FAM13C: variants seen among roughly 807,000 people sequenced by gnomAD.
FAM13C encodes family with sequence similarity 13 member C.
In FAM13C, 37 loss-of-function variants were observed where a neutral mutation model predicts 73.2. The observed-to-expected ratio is 0.51, with a 90% CI of 0.39 to 0.67. The LOEUF is 0.67. FAM13C is among the 30% of genes least tolerant of loss of function. The pLI is 0.00. For missense variants in FAM13C, 589 were observed against 715.6 expected, an observed-to-expected ratio of 0.82 and a Z score of 2.02; for synonymous variants, 246 against 260.9, an observed-to-expected ratio of 0.94 and a Z score of 0.55.
At chr10:59,273,763 A>C (rs1843988938) in intron 6 of FAM13C, among the ~76,000 whole-genome samples, 1 of 152,120 alleles carries the variant, frequency 6.6e-6, no homozygotes, top group Non-Finnish European at 1.5e-5. Context: ...CATAGAGAAG[A>C]AGTTACTATC....
At chr10:59,292,541 C>T (rs748168933) in intron 5 of FAM13C, among the ~76,000 whole-genome samples, 4 of 152,210 alleles carry the variant, frequency 2.6e-5, no homozygotes, top group African/African-American at 7.2e-5. Flanking sequence ...TTAACTCCTT[C>T]GTTTTCTAAA....
intron 3 of FAM13C, among the ~76,000 whole-genome samples, chr10:59,339,409 G>GA (rs5785378): frequency 0.7 from 106,946 of 151,904 alleles, 38,267 homozygotes; most frequent in East Asian, 0.83. Context: ...TCAGCTGTTA[G>GA]AAGTAGAAAT....
At chr10:59,317,064 GA>G (rs1468246915) in intron 4 of FAM13C, among the ~76,000 whole-genome samples, 1 of 151,590 alleles carries the variant, frequency 6.6e-6, no homozygotes, top group Admixed American at 6.6e-5. Context: ...AATAATATAA[GA>G]AAAAATACAT....
intron 11 of FAM13C, among the ~76,000 whole-genome samples, chr10:59,253,333 T>G (rs1209405605): frequency 6.6e-6 from 1 of 152,214 alleles, no homozygotes; most frequent in Non-Finnish European, 1.5e-5. Flanking sequence ...CACTCAGACC[T>G]TCTGGGCTCC....
rs547422193 is a variant in FAM13C, at chr10:59,334,095, G to A, written c.325-9989C>T. Among the ~76,000 whole-genome samples, 16 of 152,294 alleles carry A rather than the reference G, an allele frequency of 1.1e-4. 1 individual carries two copies. In the South Asian group the frequency reaches 1.7e-3, roughly 16 times the overall value. ...TTTTTTTCTTTTGAGAGAGACAAGA[G>A]ATGGCAGGGGAAATGAGAAAGGAAA... On this transcript the variant is annotated intron_variant, in intron 3 of 13. Transcript: ENST00000618804.
At chr10:59,305,603 T>G (rs1848162957) in intron 4 of FAM13C, among the ~76,000 whole-genome samples, 1 of 151,768 alleles carries the variant, frequency 6.6e-6, no homozygotes, top group Admixed American at 6.6e-5. Context: ...GAGCCTAACT[T>G]CTTTAAAATA....
intron 4 of FAM13C, among the ~76,000 whole-genome samples, chr10:59,308,956 C>T (rs934078087): frequency 1.5e-4 from 23 of 152,178 alleles, no homozygotes; most frequent in African/African-American, 4.8e-5. Context: ...GGCCTAAGGA[C>T]AGTGTCAAAC....
intron 10 of FAM13C, among the ~76,000 whole-genome samples, chr10:59,261,377 A>G (rs1216202323): frequency 3.3e-5 from 5 of 152,174 alleles, no homozygotes; most frequent in Admixed American, 1.3e-4. Flanking sequence ...CCAGGGGCAT[A>G]TGTTGAGCCT....
chr10:59,284,375 G>A (rs749753404), intron 5 of FAM13C, among the ~76,000 whole-genome samples: 2 of 152,014 alleles, frequency 1.3e-5, no homozygotes, highest in African/African-American at 2.4e-5. Flanking sequence ...AGGTTCTGCA[G>A]GTCTCAGCTG....
At chr10:59,318,405 T>C (rs1168221524) in intron 4 of FAM13C, among the ~76,000 whole-genome samples, 1 of 151,994 alleles carries the variant, frequency 6.6e-6, no homozygotes, top group Non-Finnish European at 1.5e-5. Flanking sequence ...TATTTTTATC[T>C]GTATCTTCAG....
chr10:59,352,716 A>G (rs1855226416), intron 2 of FAM13C, among the ~76,000 whole-genome samples: 1 of 152,184 alleles, frequency 6.6e-6, no homozygotes, highest in Non-Finnish European at 1.5e-5. Context: ...AGGTGTAACT[A>G]TACACATATC....
At chr10:59,330,473 A>C (rs1275003060) in intron 3 of FAM13C, among the ~76,000 whole-genome samples, 2 of 152,176 alleles carry the variant, frequency 1.3e-5, no homozygotes, top group Non-Finnish European at 2.9e-5. Flanking sequence ...GAGGCATGCG[A>C]GTTTTCACTA....
chr10:59,320,225 C>A (rs990058116), intron 4 of FAM13C, among the ~76,000 whole-genome samples: 2 of 152,180 alleles, frequency 1.3e-5, no homozygotes, highest in African/African-American at 4.8e-5. Context: ...AGCCAAAAAT[C>A]TGTAAAAACT....
intron 3 of FAM13C, among the ~76,000 whole-genome samples, chr10:59,349,381 G>C (rs1854727051): frequency 6.6e-6 from 1 of 152,202 alleles, no homozygotes; most frequent in South Asian, 2.1e-4. Context: ...GATGACACCA[G>C]TGGGCTGAGT....
intron 3 of FAM13C, among the ~76,000 whole-genome samples, chr10:59,345,775 C>A (rs1289450151): frequency 1.3e-5 from 2 of 152,184 alleles, no homozygotes; most frequent in Non-Finnish European, 2.9e-5. Flanking sequence ...CCCAGAGGAC[C>A]ACTTTTCTTC....
intron 3 of FAM13C, among the ~76,000 whole-genome samples, chr10:59,339,687 C>A (rs1308866559): frequency 6.6e-6 from 1 of 152,122 alleles, no homozygotes; most frequent in South Asian, 2.1e-4. Context: ...CGTTACCAAA[C>A]CTAATTTGGA....
chr10:59,330,254 G>A (rs1214039083), intron 3 of FAM13C, among the ~76,000 whole-genome samples: 1 of 152,166 alleles, frequency 6.6e-6, no homozygotes, highest in Non-Finnish European at 1.5e-5. Flanking sequence ...GACTGAGCTA[G>A]AGCACCCAGT....
chr10:59,317,722 T>G (rs1217821005), intron 4 of FAM13C, among the ~76,000 whole-genome samples: 1 of 152,142 alleles, frequency 6.6e-6, no homozygotes, highest in Non-Finnish European at 1.5e-5. Flanking sequence ...ATCTGCTTGA[T>G]GTAAATAGTG....
chr10:59,287,624 C>T (rs952371776), intron 5 of FAM13C, among the ~76,000 whole-genome samples: 13 of 152,048 alleles, frequency 8.5e-5, no homozygotes, highest in Non-Finnish European at 1.8e-4. Context: ...CTGACTTTGG[C>T]CAAGCATCCT....
Sources: gnomAD v4.1 joint callset for allele counts (sites outside exome capture counted in the v4.1 genomes callset) on GRCh38, gnomAD v4.1.1 for gene constraint, MANE v1.5 for transcripts, NCBI Gene and HGNC (gene_info 2026-07-23, HGNC 2026-07-21) for gene names.